Variants in TLR1 observed in about 807,000 individuals in gnomAD.
TLR1 encodes the protein toll-like receptor 1.
TLR1 carries 19 observed loss-of-function variants against 20.2 expected under a neutral mutation model. That is an observed-to-expected ratio of 0.94 (90% CI 0.66 to 1.38). The LOEUF (loss-of-function observed/expected upper bound fraction) is 1.38. Ranked by LOEUF, TLR1 falls within the 40% of genes most tolerant of loss-of-function variation. The pLI, the probability that TLR1 is intolerant of heterozygous loss-of-function variation, is 0.00. For synonymous variants in TLR1, 320 were observed against 334.5 expected (o/e 0.96, Z 0.47); for missense variants, 921 against 910.0 (o/e 1.01, Z -0.16).
chr4:38,790,199 T>C (rs1441348968), downstream of TLR1, among the ~76,000 whole-genome samples: 1 of 152,218 alleles, frequency 6.6e-6, no homozygotes, highest in Non-Finnish European at 1.5e-5. Flanking sequence ...AGATCTCTCG[T>C]TTCTTGGGAT....
chr4:38,804,016 A>C (rs930520382), intron 2 of TLR1, among the ~76,000 whole-genome samples: 2 of 152,354 alleles, frequency 1.3e-5, no homozygotes, highest in African/African-American at 4.8e-5. Context: ...GTAAATATTT[A>C]CTAAGGGCCT....
chr4:38,795,944 C>T (rs754607767), downstream of TLR1, among the ~76,000 whole-genome samples: 1 of 152,124 alleles, frequency 6.6e-6, no homozygotes, highest in Non-Finnish European at 1.5e-5. Context: ...GGACAATTTC[C>T]AGCACTTCTG....
chr4:38,791,631 G>A (rs1254393532), downstream of TLR1, among the ~76,000 whole-genome samples: 1 of 151,958 alleles, frequency 6.6e-6, no homozygotes, highest in East Asian at 1.9e-4. Flanking sequence ...TTTCATCTTA[G>A]AAAGCCCAGG....
chr4:38,802,785 G>C (rs775656161), intron 2 of TLR1, among the ~76,000 whole-genome samples: 2 of 152,196 alleles, frequency 1.3e-5, no homozygotes, highest in African/African-American at 4.8e-5. Flanking sequence ...AGTTTAGAGC[G>C]CAGGCGTATA....
In TLR1 at chr4:38,798,597, T is replaced by C. The variant is rs1227602051; in HGVS notation, c.235A>G (p.Asn79Asp). 2.5e-6 allele frequency: 4 copies of C among 1,613,926 alleles called. No individual in the cohort carries two copies. The highest frequency in any genetic ancestry group is 2.5e-6 in the Non-Finnish European group (3 of 1,179,820). ...CTGATATCAAGATACTGGATTCTATTATGAGAAATTATCAAAATCCTCAGT... is the reference window on the plus strand; with the variant it reads ...CTGATATCAAGATACTGGATTCTATCATGAGAAATTATCAAAATCCTCAGT... ...SKLRILIISH[N>D]RIQYLDISVF... The change falls in exon 4 of 4, where the codon AAT becomes GAT. Residue 79 changes from asparagine (N) to aspartate (D), a missense_variant. Physicochemically the swap from Asn to Asp is conservative, Grantham distance 23 (BLOSUM62 1). Coordinates refer to ENST00000308979, the MANE Select transcript of TLR1 (RefSeq NM_003263.4).
At position 38,797,983 on chromosome 4, in the gene TLR1, T is replaced by C; in HGVS notation, c.849A>G (p.Leu283=). The C allele has an allele frequency of 6.2e-7, 1 of 1,614,198 alleles. No individual in the cohort carries two copies. Among genetic ancestry groups the C allele is most frequent in the Non-Finnish European group, 8.5e-7 (1 of 1,180,032 alleles). ...VWYFSISNVK[L]QGQLDFRDFD... ...AATCTCTGAAGTCCAGCTGACCCTGTAGCTTCACGTTTGAAATTGAGAAAT... is the reference window on the plus strand; with the variant it reads ...AATCTCTGAAGTCCAGCTGACCCTGCAGCTTCACGTTTGAAATTGAGAAAT... The change falls in exon 4 of 4, where the codon CTA becomes CTG. Residue 283 remains leucine, a synonymous_variant. Transcript: ENST00000308979.
downstream of TLR1, among the ~76,000 whole-genome samples, chr4:38,787,903 C>T (rs11936050): frequency 0.32 from 48,502 of 151,992 alleles, 8,975 homozygotes; most frequent in Middle Eastern, 0.53. Flanking sequence ...CAAATATTGA[C>T]ATTTCTCATC....
At chr4:38,789,574 T>C (rs1725670625), downstream of TLR1, among the ~76,000 whole-genome samples, 1 of 152,058 alleles carries the variant, frequency 6.6e-6, no homozygotes, top group African/African-American at 2.4e-5. Context: ...GTGATTCTCA[T>C]GTTTCAGCCT....
chr4:38,793,628 G>A (rs1487963548), downstream of TLR1, among the ~76,000 whole-genome samples: 1 of 152,102 alleles, frequency 6.6e-6, no homozygotes, highest in African/African-American at 2.4e-5. Flanking sequence ...TTTATGTATA[G>A]GACTGATCTA....
chr4:38,803,812 G>C (rs1726839038), intron 2 of TLR1, among the ~76,000 whole-genome samples: 3 of 152,196 alleles, frequency 2.0e-5, no homozygotes, highest in Non-Finnish European at 4.4e-5. Context: ...TAATTTGAAA[G>C]TGTAAAATGC....
At chr4:38,794,425 A>G (rs1198109133), downstream of TLR1, 1 of 152,184 alleles carries the variant, frequency 6.6e-6, no homozygotes, top group African/African-American at 2.4e-5. Context: ...GATCCTTGAC[A>G]ATATAGTCTT....
At chr4:38,792,479 A>G (rs1277085804), downstream of TLR1, among the ~76,000 whole-genome samples, 1 of 152,132 alleles carries the variant, frequency 6.6e-6, no homozygotes, top group Non-Finnish European at 1.5e-5. Context: ...ATTGTAATAT[A>G]AGCATAGCTC....
downstream of TLR1, among the ~76,000 whole-genome samples, chr4:38,793,911 G>A (rs1169126894): frequency 6.6e-6 from 1 of 151,872 alleles, no homozygotes; most frequent in Non-Finnish European, 1.5e-5. Flanking sequence ...TTTGGACACA[G>A]AGACAGACAG....
intron 3 of TLR1, among the ~76,000 whole-genome samples, chr4:38,800,301 T>C (rs1198355062): frequency 6.6e-6 from 1 of 152,202 alleles, no homozygotes; most frequent in African/African-American, 2.4e-5. Flanking sequence ...TCAGGCTTTG[T>C]TGATCATTGC....
chr4:38,795,213 T>C (rs1725959886), downstream of TLR1, among the ~76,000 whole-genome samples: 1 of 152,230 alleles, frequency 6.6e-6, no homozygotes, highest in African/African-American at 2.4e-5. Flanking sequence ...TGTGCATGTA[T>C]CAGAATGGTA....
At chr4:38,789,253 C>A (rs1045773275), downstream of TLR1, among the ~76,000 whole-genome samples, 25 of 152,116 alleles carry the variant, frequency 1.6e-4, no homozygotes, top group African/African-American at 6.0e-4. Context: ...AGTATTTACA[C>A]CATAAAATTG....
downstream of TLR1, among the ~76,000 whole-genome samples, chr4:38,789,470 TTTTTCTTTTTC>T (rs558942879): frequency 2.8e-3 from 432 of 152,304 alleles, 1 homozygote; most frequent in African/African-American, 0.01. Context: ...GTTTACTTTT[TTTTTCTTTTTC>T]TTTTCTTTTT....
Position 38,798,145 on chromosome 4 carries a change from T to C in TLR1, c.687A>G (p.Lys229=). The C allele has an allele frequency of 6.2e-7, 1 of 1,613,966 alleles. No individual in the cohort carries two copies. Among genetic ancestry groups the C allele is most frequent in the Non-Finnish European group, 8.5e-7 (1 of 1,179,884 alleles). ...SNIKCVLEDN[K]CSYFLSILAK... is the part of the protein sequence containing the mutation. ...CCAGAATACTTAGGAAGTAAGAACA[T>C]TTGTTATCTTCTAGCACACATTTGA... The change falls in exon 4 of 4, where the codon AAA becomes AAG. Residue 229 remains lysine, a synonymous_variant. Transcript: ENST00000308979.
Position 38,797,488 on chromosome 4 carries a change from C to G in TLR1, c.1344G>C (p.Lys448Asn). The stretch of plus-strand genomic sequence containing the variant: ...TTTTATTGCTGTGAAGATCAAGTAC[C>G]TTGATCCTGGGAGGTAAACATCTGA... ...TIFRCLPPRI[K>N]VLDLHSNKIK... Residue 448 changes from lysine (K) to asparagine (N), a missense_variant, in exon 4 of 4, where the codon AAG becomes AAC. By Grantham distance (94) the Lys-to-Asn change is moderately conservative. Transcript: ENST00000308979. 1 of 1,614,132 alleles carries G rather than the reference C, an allele frequency of 6.2e-7. No individual in the cohort carries two copies. The highest frequency in any genetic ancestry group is 8.5e-7 in the Non-Finnish European group (1 of 1,180,026).
Sources: gnomAD v4.1 joint callset for allele counts (sites outside exome capture counted in the v4.1 genomes callset) on GRCh38, gnomAD v4.1.1 for gene constraint, MANE v1.5 for transcripts, NCBI Gene and HGNC (gene_info 2026-07-23, HGNC 2026-07-21) for gene names.